The following NCKAP1L variants were observed in gnomAD, a reference collection of about 807,000 sequenced individuals.
The protein encoded by NCKAP1L is NCK associated protein 1 like, also known as nck-associated protein 1-like.
A neutral mutation model predicts 139.2 loss-of-function variants in NCKAP1L; 53 were observed. The ratio of observed to expected loss-of-function variants is 0.38; its 90% CI spans 0.31 to 0.48. The LOEUF (loss-of-function observed/expected upper bound fraction) is 0.48. NCKAP1L is among the 20% of genes least tolerant of loss of function. NCKAP1L has a pLI of 0.98. For missense variants in NCKAP1L, 1,151 were observed against 1,381.9 expected (o/e 0.83, Z 2.65); for synonymous variants, 468 against 499.7 (o/e 0.94, Z 0.85).
intron 30 of NCKAP1L, among the ~76,000 whole-genome samples, chr12:54,541,891 G>T (rs143352677): frequency 1.3e-5 from 2 of 152,026 alleles, no homozygotes; most frequent in Admixed American, 6.6e-5. Flanking sequence ...CCAGTCCACC[G>T]CTAGGCTATG....
rs370459561 is a variant in NCKAP1L at position 54,511,660 on chromosome 12, G to T, written c.736-143G>T. 6.7e-4 allele frequency: 519 copies of T among 769,258 alleles called. 2 individuals are homozygous for T. The African/African-American group carries it at 7.4e-3, about 11-fold the overall frequency. The allele number at this position is 769,258 out of a possible 1,614,324, so 47.7% of individuals were successfully genotyped here. On this transcript the variant is annotated intron_variant, in intron 7 of 30. Transcript: ENST00000293373. ...GGCCTCAAGCTATCCTCCTGCCCCT[G>T]CCTCCTAAAGTGTTGGGATTAAAGG...
chr12:54,517,415 T>C (rs1169556687), intron 11 of NCKAP1L, 118 bp from the exon 12 acceptor site: 8 of 709,070 alleles, frequency 1.1e-5, no homozygotes, highest in East Asian at 8.0e-5. Context: ...ATGTTTATTA[T>C]TCACACTGTT....
In NCKAP1L at chr12:54,512,054, A is replaced by T. The variant is rs759564748; in HGVS notation, c.890A>T (p.Asp297Val). Residue 297 changes from aspartate to valine, a missense_variant, in exon 9 of 31, where the codon GAT becomes GTT. Transcript: ENST00000293373. The part of the protein sequence containing the change: ...GSLYITLIRE[D>V]VLQVHKVTED... ...CTCTACATCACCCTTATCCGTGAGG[A>T]TGTGCTGCAGGTGCACAAAGTCACC... The T allele has an allele frequency of 6.2e-7, 1 of 1,614,166 alleles. No individual in the cohort carries two copies. Among genetic ancestry groups the T allele is most frequent in the African/African-American group, 1.3e-5 (1 of 75,042 alleles).
rs1387524631 is a variant in NCKAP1L, at chr12:54,516,266, G to A, written c.969G>A (p.Lys323=). The A allele has an allele frequency of 8.7e-6, 14 of 1,613,968 alleles. No individual in the cohort carries two copies. In the East Asian group the frequency reaches 2.7e-4, roughly 31 times the overall value. The part of the protein sequence containing the change: ...KGYGKRVADI[K]ESKEHVIANS... Reference sequence around the variant, plus strand: ...ATGGCAAGAGAGTGGCAGACATAAAGGAGAGCAAGGAACATGTAATTGCAA... The same window carrying A: ...ATGGCAAGAGAGTGGCAGACATAAAAGAGAGCAAGGAACATGTAATTGCAA... The change falls in exon 10 of 31, where the codon AAG becomes AAA. Residue 323 remains lysine, a synonymous_variant. Coordinates refer to ENST00000293373, the MANE Select transcript of NCKAP1L (RefSeq NM_005337.5).
chr12:54,507,933 C>T (rs199997065), intron 4 of NCKAP1L, 24 bp downstream of exon 4: 7 of 1,610,584 alleles, frequency 4.3e-6, no homozygotes, highest in Non-Finnish European at 5.1e-6. Context: ...CAATTCTCTT[C>T]TATCGTAGAG....
chr12:54,523,553 C>T lies in NCKAP1L; in HGVS notation c.2024+14C>T. ...CATTGTCACCAAGTGAGGACCTGGG[C>T]CCTAGATGGCCAGCTGGGTACTGCA... On this transcript the variant is annotated intron_variant, in intron 19 of 30. Transcript: ENST00000293373. 1 of 1,606,740 alleles carries T rather than the reference C, an allele frequency of 6.2e-7. No individual in the cohort carries two copies.
At position 54,544,079 on chromosome 12, in the gene NCKAP1L, A is replaced by G. The variant is rs1450977648; in HGVS notation, c.*1394A>G. On this transcript the variant is annotated 3_prime_UTR_variant, in exon 31 of 31. Transcript: ENST00000293373. ...TCAATACTTTCTTAACTTGGCACCC[A>G]TAATCAACATACAGATTTTTCTTAG... 6.6e-6 allele frequency: 1 copy of G among 152,220 alleles called. No individual in the cohort carries two copies. Among genetic ancestry groups the G allele is most frequent in the Non-Finnish European group, 1.5e-5 (1 of 68,042 alleles). 9.4% of individuals were successfully genotyped at this position (152,220 alleles called of 1,614,324 possible). A position where few individuals can be genotyped will look rare whatever the true frequency, so the allele number is the denominator to read the frequency against.
chr12:54,522,102 G>A (rs1405787137), intron 18 of NCKAP1L, among the ~76,000 whole-genome samples: 2 of 152,216 alleles, frequency 1.3e-5, no homozygotes, highest in Non-Finnish European at 2.9e-5. Flanking sequence ...CGGGCACAAA[G>A]CCCTGTGCTG....
In NCKAP1L at chr12:54,509,905, G is replaced by C; in HGVS notation, c.655G>C (p.Ala219Pro). Residue 219 changes from alanine (A) to proline (P), a missense_variant, in exon 7 of 31, where the codon GCT becomes CCT. Transcript: ENST00000293373. ...CCTCTTTGTCCGAAGAAACCAGGGG[G>C]CTGAGCAGTGGCGCAGTGCCCAACT... ...HFLFVRRNQGAEQWRSAQLLS... is the reference protein window; with the variant it reads ...HFLFVRRNQGPEQWRSAQLLS... 1 of 1,614,208 alleles carries C rather than the reference G, an allele frequency of 6.2e-7. No homozygotes were observed. The highest frequency in any genetic ancestry group is 8.5e-7 in the Non-Finnish European group (1 of 1,180,040).
intron 1 of NCKAP1L, among the ~76,000 whole-genome samples, chr12:54,498,194 G>A (rs1304602945): frequency 6.6e-6 from 1 of 152,114 alleles, no homozygotes; most frequent in Non-Finnish European, 1.5e-5. Flanking sequence ...AAGTGACTTG[G>A]ATAAAGGTCT....
Position 54,514,326 on chromosome 12 carries a change from C to CTT in NCKAP1L, c.942-1903_942-1902dup, listed in dbSNP as rs35147448. 4.2e-4 allele frequency among the ~76,000 whole-genome samples: 62 copies of CTT among 146,458 alleles called. No individual in the cohort carries two copies. In the East Asian group the frequency reaches 7.7e-3, roughly 18 times the overall value. ...GAATCTGTGAATATTTTTTTATTTTCTTTTTTTTTTTGAGACTTGAGTTTT... is the reference window on the plus strand; with the variant it reads ...GAATCTGTGAATATTTTTTTATTTTCTTTTTTTTTTTTTGAGACTTGAGTTTT... On this transcript the variant is annotated intron_variant, in intron 9 of 30. Transcript: ENST00000293373.
chr12:54,528,534 A>G (rs1201403810), intron 22 of NCKAP1L, among the ~76,000 whole-genome samples, 157 bp downstream of exon 22: 1 of 152,150 alleles, frequency 6.6e-6, no homozygotes. Flanking sequence ...CCAACCTAAT[A>G]GTGAAGGGTA....
At chr12:54,499,509 C>A in intron 2 of NCKAP1L, 44 bp downstream of exon 2, 1 of 1,138,442 alleles carries the variant, frequency 8.8e-7, no homozygotes, top group African/African-American at 1.5e-5. Flanking sequence ...TAATTCTCTG[C>A]TTGAATGGCT....
Position 54,509,849 on chromosome 12 carries a change from CTG to C in NCKAP1L, c.602_603del (p.Val201GlufsTer19). ...GGTTTCATTTGCTTTTCCCCACAGG[CTG>C]TGAGTGGAGCCCTCCTCTCTTTGCA... On this transcript the variant is annotated frameshift_variant and splice_region_variant, in exon 7 of 31. Coordinates refer to ENST00000293373, the MANE Select transcript of NCKAP1L (RefSeq NM_005337.5). LOFTEE classifies it high-confidence loss of function. The C allele has an allele frequency of 6.2e-7, 1 of 1,614,222 alleles. No homozygotes were observed.
At chr12:54,497,965 C>T (rs1956764384) in intron 1 of NCKAP1L, 74 bp downstream of exon 1, 8 of 913,028 alleles carry the variant, frequency 8.8e-6, no homozygotes, top group Middle Eastern at 2.1e-4. Context: ...GCGGCAGGTG[C>T]AGCAGTTAGA....
At chr12:54,534,357 C>G (rs1222296561) in intron 26 of NCKAP1L, among the ~76,000 whole-genome samples, 5 of 152,334 alleles carry the variant, frequency 3.3e-5, no homozygotes, top group African/African-American at 1.2e-4. Flanking sequence ...AGATCTGTCT[C>G]ACTCCAAAGC....
chr12:54,506,089 A>G (rs965628490), intron 3 of NCKAP1L, among the ~76,000 whole-genome samples: 23 of 152,346 alleles, frequency 1.5e-4, no homozygotes, highest in African/African-American at 5.5e-4. Context: ...ACAAACTTTC[A>G]AGTACAAATC....
In NCKAP1L at chr12:54,543,445, T is replaced by C. The variant is rs1957175463; in HGVS notation, c.*760T>C. 6.6e-6 allele frequency: 1 copy of C among 152,240 alleles called. No homozygotes were observed. Among genetic ancestry groups the C allele is most frequent in the Non-Finnish European group, 1.5e-5 (1 of 68,044 alleles). The allele number at this position is 152,240 out of a possible 1,614,324, so 9.4% of individuals were successfully genotyped here. Reference sequence around the variant, plus strand: ...AGAGCAGAGGGTCAGTTAGTCTCCGTCAATTCTAGGTTACATGACAACTGA... The same window carrying C: ...AGAGCAGAGGGTCAGTTAGTCTCCGCCAATTCTAGGTTACATGACAACTGA... On this transcript the variant is annotated 3_prime_UTR_variant, in exon 31 of 31. Coordinates refer to ENST00000293373, the MANE Select transcript of NCKAP1L (RefSeq NM_005337.5).
At chr12:54,510,258 A>G (rs1445473652) in intron 7 of NCKAP1L, 3 of 514,018 alleles carry the variant, frequency 5.8e-6, no homozygotes, top group Non-Finnish European at 7.0e-6. Context: ...GAATGAATGA[A>G]TGGATGAAAC....
Sources: gnomAD v4.1 joint callset for allele counts (sites outside exome capture counted in the v4.1 genomes callset) on GRCh38, gnomAD v4.1.1 for gene constraint, MANE v1.5 for transcripts, NCBI Gene and HGNC (gene_info 2026-07-23, HGNC 2026-07-21) for gene names.